ASGR1: variants seen among roughly 807,000 people sequenced by gnomAD.
The protein encoded by ASGR1 is asialoglycoprotein receptor 1, also known as C-type lectin domain family 4 member H1.
A neutral mutation model predicts 33.1 loss-of-function variants in ASGR1; 35 were observed. That is an observed-to-expected ratio of 1.06 (90% CI 0.81 to 1.40). The LOEUF (loss-of-function observed/expected upper bound fraction) is 1.40. Among genes scored for constraint, ASGR1 ranks in the 40% most tolerant of loss-of-function variants. The pLI is 0.00. For synonymous variants in ASGR1, 142 were observed against 152.5 expected (o/e 0.93, Z 0.51); for missense variants, 396 against 373.7 (o/e 1.06, Z -0.49).
At chr17:7,176,529 A>ACACACT (rs1555597841) in intron 5 of ASGR1, 42 of 494,632 alleles carry the variant, frequency 8.5e-5, no homozygotes, top group South Asian at 5.0e-4. Context: ...TCTCATTCCC[A>ACACACT]CACACACACC....
At chr17:7,175,432 C>T (rs191236427) in intron 5 of ASGR1, among the ~76,000 whole-genome samples, 1 of 150,040 alleles carries the variant, frequency 6.7e-6, no homozygotes, top group Non-Finnish European at 1.5e-5. Context: ...CACCCACATA[C>T]ACACATTCAC....
Position 7,176,704 on chromosome 17 carries a change from TCACA to T in ASGR1, c.355+122_355+125del, listed in dbSNP as rs113815158. On this transcript the variant is annotated intron_variant, in intron 5 of 8. Transcript: ENST00000269299. The stretch of plus-strand genomic sequence containing the variant: ...CTCCCCCTCATTCTCACACACAGAC[TCACA>T]CACACACACACTCCCTCTCATTCTC... 2,988 of 1,336,360 alleles carry T rather than the reference TCACA, an allele frequency of 2.2e-3. 47 individuals carry two copies. In the African/African-American group the frequency reaches 0.036, roughly 16 times the overall value. 82.8% of individuals were successfully genotyped at this position (1,336,360 alleles called of 1,614,324 possible).
chr17:7,174,592 G>T, intron 5 of ASGR1, 132 bp from the exon 6 acceptor site: 1 of 861,420 alleles, frequency 1.2e-6, no homozygotes, highest in Non-Finnish European at 1.8e-6. Flanking sequence ...CAGCAGCGGA[G>T]TTGGCCTGAG....
rs2069165153 is a variant in ASGR1 at position 7,174,051 on chromosome 17, T to C, written c.611A>G (p.His204Arg). 6.2e-7 allele frequency: 1 copy of C among 1,614,218 alleles called. No individual in the cohort carries two copies. Among genetic ancestry groups the C allele is most frequent in the Non-Finnish European group, 8.5e-7 (1 of 1,180,012 alleles). The change falls in exon 8 of 9, where the codon CAC (histidine) becomes CGC (arginine). Residue 204 changes from histidine to arginine, a missense_variant. By Grantham distance (29) the His-to-Arg change is conservative. Coordinates refer to ENST00000269299, the MANE Select transcript of ASGR1 (RefSeq NM_001671.5). ...SWEEQKFVQH[H>R]IGPVNTWMGL... ...CATCCAGGTGTTCACAGGGCCTATGTGGTGCTGGACAAATTTCTGAGGAGA... is the reference window on the plus strand; with the variant it reads ...CATCCAGGTGTTCACAGGGCCTATGCGGTGCTGGACAAATTTCTGAGGAGA...
intron 5 of ASGR1, among the ~76,000 whole-genome samples, chr17:7,174,980 CAT>C (rs1174497947): frequency 7.0e-6 from 1 of 143,682 alleles, no homozygotes; most frequent in African/African-American, 2.5e-5. Context: ...CTTACACACA[CAT>C]ACATAGACAC....
In ASGR1 at chr17:7,174,063, A is replaced by C. The variant is rs2069165233; in HGVS notation, c.599T>G (p.Phe200Cys). 5 of 1,614,188 alleles carry C rather than the reference A, an allele frequency of 3.1e-6. No individual in the cohort carries two copies. Among genetic ancestry groups the C allele is most frequent in the Non-Finnish European group, 4.2e-6 (5 of 1,180,000 alleles). ...CACAGGGCCTATGTGGTGCTGGACA[A>C]ATTTCTGAGGAGAGAGAAGGCGGGT... is the stretch of plus-strand genomic sequence containing the variant. ...VVVTSWEEQK[F>C]VQHHIGPVNT... Residue 200 changes from phenylalanine to cysteine, a missense_variant, in exon 8 of 9, where the codon TTT becomes TGT. Coordinates refer to ENST00000269299, the MANE Select transcript of ASGR1 (RefSeq NM_001671.5).
At position 7,173,520 on chromosome 17, in the gene ASGR1, C is replaced by T. The variant is rs530122912; in HGVS notation, c.*139G>A. The T allele has an allele frequency of 1.2e-5, 15 of 1,215,012 alleles. No homozygotes were observed. The East Asian group carries it at 2.8e-4, about 23-fold the overall frequency. 75.3% of individuals were successfully genotyped at this position (1,215,012 alleles called of 1,614,324 possible). ...AAAGCGCCACGGGTTTCAAGCTCCT[C>T]ACCTTCGGAACATCACCCTATCCTT... is the stretch of plus-strand genomic sequence containing the variant. On this transcript the variant is annotated 3_prime_UTR_variant, in exon 9 of 9. Transcript: ENST00000269299. This position sits in a 1 kb window ranked among gnomAD's most constrained non-coding sequence, Gnocchi z 4.7.
chr17:7,176,090 T>TCA (rs200905367), intron 5 of ASGR1, among the ~76,000 whole-genome samples: 4 of 140,732 alleles, frequency 2.8e-5, no homozygotes, highest in Admixed American at 7.1e-5. Flanking sequence ...ATTCTCACAC[T>TCA]CACACACACT....
intron 5 of ASGR1, among the ~76,000 whole-genome samples, chr17:7,175,581 C>T (rs1017664960): frequency 6.6e-6 from 1 of 151,552 alleles, no homozygotes; most frequent in African/African-American, 2.4e-5. Context: ...CACTCACATG[C>T]ACTTACACAT....
At chr17:7,176,238 G>T (rs1193574158) in intron 5 of ASGR1, among the ~76,000 whole-genome samples, 1 of 85,270 alleles carries the variant, frequency 1.2e-5, no homozygotes, top group Admixed American at 1.2e-4. Flanking sequence ...CACACTCACA[G>T]ACACACACAC....
At chr17:7,176,386 ACT>A (rs61339710) in intron 5 of ASGR1, among the ~76,000 whole-genome samples, 19,328 of 146,538 alleles carry the variant, frequency 0.13, 1,426 homozygotes, top group Admixed American at 0.18. Context: ...TTACACTCAG[ACT>A]CACACACACC....
intron 1 of ASGR1, chr17:7,178,857 C>T (rs1265643942): frequency 3.6e-6 from 1 of 276,912 alleles, no homozygotes; most frequent in African/African-American, 2.2e-5. Context: ...CTGCCTCAGC[C>T]TCTGGAGTAG....
Position 7,177,313 on chromosome 17 carries a change from G to A in ASGR1, c.84C>T (p.Pro28=). The A allele has an allele frequency of 3.7e-6, 6 of 1,613,584 alleles. No homozygotes were observed. Among genetic ancestry groups the A allele is most frequent in the Non-Finnish European group, 4.2e-6 (5 of 1,179,790 alleles). The stretch of plus-strand genomic sequence containing the variant: ...AGCAGAGACGCTGCAGGAGGGGCTG[G>A]GGAGGAGGTGGCCCTGCAAGAGGAG... ...HHQLRKGPPP[P]QPLLQRLCSG... The change falls in exon 3 of 9, where the codon CCC becomes CCT. Residue 28 remains proline, a synonymous_variant. Coordinates refer to ENST00000269299, the MANE Select transcript of ASGR1 (RefSeq NM_001671.5).
At chr17:7,178,702 C>A in intron 1 of ASGR1, 114 bp from the exon 2 acceptor site, 8 of 513,280 alleles carry the variant, frequency 1.6e-5, no homozygotes, top group Non-Finnish European at 2.7e-5. Flanking sequence ...GGAGACCTTT[C>A]TTCTTTCTTT....
intron 5 of ASGR1, 61 bp from the exon 6 acceptor site, chr17:7,174,521 G>C (rs933237140): frequency 5.8e-6 from 9 of 1,541,434 alleles, no homozygotes; most frequent in Non-Finnish European, 7.9e-6. Flanking sequence ...AGGGAAACGG[G>C]AAACGAGGTC....
intron 5 of ASGR1, among the ~76,000 whole-genome samples, chr17:7,175,507 AAC>A (rs1334747763): frequency 2.0e-5 from 3 of 149,002 alleles, no homozygotes; most frequent in African/African-American, 5.1e-5. Flanking sequence ...ACTCACCCAC[AAC>A]ACACATATAC....
chr17:7,175,931 TCC>T (rs1251184279), intron 5 of ASGR1, among the ~76,000 whole-genome samples: 3 of 113,294 alleles, frequency 2.6e-5, no homozygotes, highest in Non-Finnish European at 3.7e-5. Context: ...TCCCTCTCAT[TCC>T]CCCACACACG....
intron 4 of ASGR1, 36 bp from the exon 5 acceptor site, chr17:7,176,937 C>A (rs761446020): frequency 3.2e-6 from 5 of 1,569,594 alleles, no homozygotes; most frequent in Non-Finnish European, 2.6e-6. Context: ...CCCGACAGCC[C>A]CCCAGCCCCA....
intron 1 of ASGR1, chr17:7,178,946 A>G (rs914173214): frequency 5.6e-5 from 9 of 162,064 alleles, no homozygotes; most frequent in Non-Finnish European, 1.1e-4. Context: ...CGTGTTGCCC[A>G]GGCTTGTCTC....
Sources: gnomAD v4.1 joint callset for allele counts (sites outside exome capture counted in the v4.1 genomes callset) on GRCh38, gnomAD v4.1.1 for gene constraint, Gnocchi (gnomAD v3.1) non-coding constraint, MANE v1.5 for transcripts, NCBI Gene and HGNC (gene_info 2026-07-23, HGNC 2026-07-21) for gene names.